MAPK9: variants seen among roughly 807,000 people sequenced by gnomAD.
MAPK9 encodes the protein mitogen-activated protein kinase 9, also known as Jun kinase.
Under a neutral mutation model 57.1 loss-of-function variants are expected in MAPK9, and 30 were observed. The ratio of observed to expected loss-of-function variants is 0.53; its 90% CI spans 0.39 to 0.71. The LOEUF is 0.71. Among genes scored for constraint, MAPK9 ranks in the 30% least tolerant of loss-of-function variants. The pLI, the probability that MAPK9 is intolerant of heterozygous loss-of-function variation, is 0.00. For synonymous variants in MAPK9, 155 were observed against 177.0 expected (o/e 0.88, Z 0.99); for missense variants, 362 against 521.0 (o/e 0.69, Z 2.97).
rs1242203626 is a variant in MAPK9 at position 180,247,350 on chromosome 5, T to C, written c.688+89A>G. 2 of 1,501,688 alleles carry C rather than the reference T, an allele frequency of 1.3e-6. No individual in the cohort carries two copies. Among genetic ancestry groups the C allele is most frequent in the East Asian group, 2.3e-5 (1 of 44,286 alleles). The allele number at this position is 1,501,688 out of a possible 1,614,324, so 93.0% of individuals were successfully genotyped here. On this transcript the variant is annotated intron_variant, in intron 7 of 11. Transcript: ENST00000452135. The surrounding 1 kb of genome is among the most constrained non-coding windows in gnomAD (Gnocchi z 4.5). The stretch of plus-strand genomic sequence containing the variant: ...CAGTCTGGAGTGGATTTTACGACTT[T>C]GTCCTCGTGAGCGCTCGTGTAAGCA...
At chr5:180,266,518 C>G (rs1287262815) in intron 3 of MAPK9, among the ~76,000 whole-genome samples, 2 of 151,954 alleles carry the variant, frequency 1.3e-5, no homozygotes, top group Non-Finnish European at 2.9e-5. Flanking sequence ...TTTCACCACG[C>G]TGGCCAACCA....
chr5:180,279,644 G>C (rs895507961), intron 2 of MAPK9, among the ~76,000 whole-genome samples: 9 of 151,814 alleles, frequency 5.9e-5, no homozygotes, highest in Non-Finnish European at 1.0e-4. Flanking sequence ...ACTGCACCAC[G>C]GTTTCTTTAG....
chr5:180,257,159 A>G (rs1759373895), intron 5 of MAPK9, among the ~76,000 whole-genome samples: 1 of 152,198 alleles, frequency 6.6e-6, no homozygotes, highest in East Asian at 1.9e-4. Flanking sequence ...CTGGGAGGAC[A>G]AGAGCTATCC....
At chr5:180,284,061 A>C (rs1182177793) in intron 1 of MAPK9, among the ~76,000 whole-genome samples, 3 of 152,234 alleles carry the variant, frequency 2.0e-5, no homozygotes, top group African/African-American at 4.8e-5. Context: ...GCTTTGTGAG[A>C]GCAAGAGAAA....
At chr5:180,253,906 C>T (rs1035413) in intron 5 of MAPK9, among the ~76,000 whole-genome samples, 28,269 of 149,670 alleles carry the variant, frequency 0.19, 3,171 homozygotes, top group African/African-American at 0.31. Flanking sequence ...GACACCCATT[C>T]TTTAACAATT....
chr5:180,253,961 C>CACT (rs1758988333), intron 5 of MAPK9, among the ~76,000 whole-genome samples: 1 of 77,784 alleles, frequency 1.3e-5, no homozygotes, highest in Non-Finnish European at 2.7e-5. Context: ...ATGCTTCAAT[C>CACT]TCTTTTTTTT....
At chr5:180,285,921 A>G (rs1452037196) in intron 1 of MAPK9, among the ~76,000 whole-genome samples, 2 of 151,170 alleles carry the variant, frequency 1.3e-5, no homozygotes, top group Non-Finnish European at 2.9e-5. Context: ...TACTAAAAAA[A>G]TACAAAAAAT....
intron 2 of MAPK9, among the ~76,000 whole-genome samples, chr5:180,273,278 A>G (rs1419384664): frequency 6.6e-6 from 1 of 152,064 alleles, no homozygotes; most frequent in Non-Finnish European, 1.5e-5. Context: ...TTTTTCAGTC[A>G]TATATCTTCT....
At chr5:180,243,097 A>C (rs1757789896) in intron 7 of MAPK9, among the ~76,000 whole-genome samples, 1 of 152,234 alleles carries the variant, frequency 6.6e-6, no homozygotes, top group Admixed American at 6.5e-5. Flanking sequence ...TTACATAAGC[A>C]AATTGAAATC....
At position 180,234,325 on chromosome 5, in the gene MAPK9, C is replaced by T. The variant is rs1177653144; in HGVS notation, c.*2059G>A. The T allele has an allele frequency of 1.3e-5, 2 of 152,220 alleles. No homozygotes were observed. Among genetic ancestry groups the T allele is most frequent in the Admixed American group, 1.3e-4 (2 of 15,290 alleles). The allele number at this position is 152,220 out of a possible 1,614,324, so 9.4% of individuals were successfully genotyped here. On this transcript the variant is annotated 3_prime_UTR_variant, in exon 12 of 12. Transcript: ENST00000452135. The stretch of plus-strand genomic sequence containing the variant: ...GCAAATCTAGGCTCAGGAGAGAGAA[C>T]CCTGAAGCTGGGGTGAGGTATTTCT...
At chr5:180,257,009 T>G (rs946358332) in intron 5 of MAPK9, among the ~76,000 whole-genome samples, 10 of 152,338 alleles carry the variant, frequency 6.6e-5, no homozygotes, top group African/African-American at 2.2e-4. Context: ...CATCAGGAGA[T>G]CTTTAATTCA....
In MAPK9 at chr5:180,239,964, G is replaced by C. The variant is rs1372103100; in HGVS notation, c.1020C>G (p.Ala340=). 1 of 1,613,430 alleles carries C rather than the reference G, an allele frequency of 6.2e-7. No individual in the cohort carries two copies. The highest frequency in any genetic ancestry group is 1.1e-5 in the South Asian group (1 of 91,074). ...TTGCATGTTCTCTTTCTTCCAACTG[G>C]GCATCATAAATTTGAGGTGGTGGCT... ...AEAPPPQIYD[A]QLEEREHAIE... The change falls in exon 10 of 12, where the codon GCC becomes GCG. Residue 340 remains alanine, a synonymous_variant. Transcript: ENST00000452135.
intron 2 of MAPK9, among the ~76,000 whole-genome samples, chr5:180,274,152 ATT>A (rs1341391418): frequency 6.6e-6 from 1 of 152,140 alleles, no homozygotes; most frequent in South Asian, 2.1e-4. Flanking sequence ...AGTCTTTCAT[ATT>A]GTTAGATTTT....
chr5:180,233,640 C>T lies in MAPK9; in HGVS notation c.*2744G>A, dbSNP rs1756985312. Reference sequence around the variant, plus strand: ...TGTATTATTTTCACCAACCAAAACACACATAATATATTTTATTATAAAACA... The same window carrying T: ...TGTATTATTTTCACCAACCAAAACATACATAATATATTTTATTATAAAACA... On this transcript the variant is annotated 3_prime_UTR_variant, in exon 12 of 12. Transcript: ENST00000452135. 1 of 152,184 alleles carries T rather than the reference C, an allele frequency of 6.6e-6. No homozygotes were observed. The highest frequency in any genetic ancestry group is 1.5e-5 in the Non-Finnish European group (1 of 68,042). The allele number at this position is 152,184 out of a possible 1,614,324, so 9.4% of individuals were successfully genotyped here.
rs1486449020 is a variant in MAPK9, at chr5:180,235,680, T to C, written c.*704A>G. ...TTGTATCGTGCAGTAAAGCTGAATG[T>C]ACAATCATCCCAGACAAGACAGTTT... On this transcript the variant is annotated 3_prime_UTR_variant, in exon 12 of 12. Transcript: ENST00000452135. The C allele has an allele frequency of 1.3e-5, 2 of 152,246 alleles. No individual in the cohort carries two copies. Among genetic ancestry groups the C allele is most frequent in the African/African-American group, 4.8e-5 (2 of 41,470 alleles). 9.4% of individuals were successfully genotyped at this position (152,246 alleles called of 1,614,324 possible). A position where few individuals can be genotyped will look rare whatever the true frequency, so the allele number is the denominator to read the frequency against.
At chr5:180,291,806 C>T (rs1428089732) in intron 1 of MAPK9, 42 bp downstream of exon 1, 5 of 148,128 alleles carry the variant, frequency 3.4e-5, no homozygotes, top group Non-Finnish European at 4.5e-5. Context: ...CGGGCCCGGC[C>T]CGAGCAGCCG....
At chr5:180,261,934 GAT>G in intron 4 of MAPK9, 112 bp from the exon 5 acceptor site, 1 of 815,464 alleles carries the variant, frequency 1.2e-6, no homozygotes, top group Non-Finnish European at 1.8e-6. Context: ...AAAGTAAAAA[GAT>G]AACTTGGTAT....
intron 2 of MAPK9, among the ~76,000 whole-genome samples, chr5:180,274,369 C>T (rs1761627685): frequency 1.3e-5 from 2 of 152,316 alleles, no homozygotes; most frequent in South Asian, 4.1e-4. Flanking sequence ...CTATTCTTAT[C>T]ACGAGAGCCC....
chr5:180,260,739 C>T (rs1029929896), intron 5 of MAPK9, among the ~76,000 whole-genome samples: 6 of 152,066 alleles, frequency 3.9e-5, no homozygotes, highest in African/African-American at 1.2e-4. Flanking sequence ...TTTTATGTAG[C>T]TTTTTAATTG....
Sources: allele counts gnomAD v4.1 joint callset (sites outside exome capture counted in the v4.1 genomes callset), GRCh38; gene constraint gnomAD v4.1.1; non-coding constraint Gnocchi (gnomAD v3.1); transcripts MANE v1.5; gene names NCBI Gene and HGNC (gene_info 2026-07-23, HGNC 2026-07-21).